Variants in NUP98 observed in about 807,000 individuals in gnomAD.
NUP98 encodes the protein nuclear pore complex protein Nup98-Nup96.
A neutral mutation model predicts 191.9 loss-of-function variants in NUP98; 26 were observed. The ratio of observed to expected loss-of-function variants is 0.14; its 90% CI spans 0.10 to 0.19. The LOEUF is 0.19. Ranked by LOEUF, NUP98 falls within the 10% of genes least tolerant of loss-of-function variation. NUP98 has a pLI of 1.00. For missense variants in NUP98, 1,941 were observed against 2,178.8 expected (o/e 0.89, Z 2.17); for synonymous variants, 808 against 778.4 (o/e 1.04, Z -0.63).
At position 3,702,311 on chromosome 11, in the gene NUP98, ACACTCTCTCTCTCTCTCTCTCTCT is replaced by A. The variant is rs1476081617; in HGVS notation, c.3512+128_3512+151del. On this transcript the variant is annotated intron_variant, in intron 23 of 32. Transcript: ENST00000324932. ...CACACACACACACACACACACACAC[ACACTCTCTCTCTCTCTCTCTCTCT>A]CTCTCTCTCTCTCTCTCTCTCTCTC... 8.5e-3 allele frequency: 3,577 copies of A among 423,194 alleles called. 43 individuals are homozygous for A. The highest frequency in any genetic ancestry group is 0.015 in the Admixed American group (337 of 22,066). The allele number at this position is 423,194 out of a possible 1,614,324, so 26.2% of individuals were successfully genotyped here. A position where few individuals can be genotyped will look rare whatever the true frequency, so the allele number is the denominator to read the frequency against.
intron 24 of NUP98, 37 bp downstream of exon 24, chr11:3,700,573 T>C (rs745480143): frequency 1.4e-6 from 2 of 1,424,544 alleles, no homozygotes; most frequent in Non-Finnish European, 9.8e-7. Flanking sequence ...CCACTATTAT[T>C]GGGACATCAA....
At chr11:3,746,239 A>G (rs914390213) in intron 11 of NUP98, among the ~76,000 whole-genome samples, 9 of 126,566 alleles carry the variant, frequency 7.1e-5, no homozygotes, top group African/African-American at 2.7e-4. Flanking sequence ...ATTGCACTCC[A>G]GCCTGGGCAA....
Position 3,683,243 on chromosome 11 carries a change from G to C in NUP98, c.4875C>G (p.His1625Gln), listed in dbSNP as rs1486219645. 6.2e-6 allele frequency: 10 copies of C among 1,614,202 alleles called. No homozygotes were observed. The highest frequency in any genetic ancestry group is 8.5e-6 in the Non-Finnish European group (10 of 1,180,028). Residue 1625 changes from histidine (H) to glutamine (Q), a missense_variant, in exon 30 of 33, where the codon CAC (histidine) becomes CAG (glutamine). His to Gln is a conservative substitution (Grantham distance 24). Transcript: ENST00000324932. ...LEALCLFKAEHWNRCHKLIIR... is the reference protein window; with the variant it reads ...LEALCLFKAEQWNRCHKLIIR... The stretch of plus-strand genomic sequence containing the variant: ...TGATGAGCTTGTGGCAGCGGTTCCA[G>C]TGCTCAGCCTTAAATAAGCAAAGGG...
intron 1 of NUP98, among the ~76,000 whole-genome samples, chr11:3,792,716 A>G (rs932131011): frequency 1.7e-4 from 26 of 152,230 alleles, no homozygotes; most frequent in African/African-American, 5.1e-4. Context: ...ATAAAATCAC[A>G]GAAGTGTAAA....
At chr11:3,789,944 C>T (rs1304276952) in intron 1 of NUP98, among the ~76,000 whole-genome samples, 1 of 152,012 alleles carries the variant, frequency 6.6e-6, no homozygotes, top group Non-Finnish European at 1.5e-5. Flanking sequence ...ACCACTATAC[C>T]GGGTTAATTT....
chr11:3,725,884 A>G (rs377630684), intron 14 of NUP98, among the ~76,000 whole-genome samples: 1 of 152,162 alleles, frequency 6.6e-6, no homozygotes, highest in Admixed American at 6.5e-5. Context: ...ATCGCTGATC[A>G]TGGCTCACTA....
At chr11:3,744,106 A>G (rs2080397714) in intron 12 of NUP98, among the ~76,000 whole-genome samples, 1 of 152,226 alleles carries the variant, frequency 6.6e-6, no homozygotes, top group Non-Finnish European at 1.5e-5. Flanking sequence ...AACTAAATTT[A>G]GGAAATACAG....
chr11:3,687,813 G>C (rs1476052094), intron 28 of NUP98, among the ~76,000 whole-genome samples: 1 of 152,082 alleles, frequency 6.6e-6, no homozygotes. Context: ...TGTAATCCCA[G>C]CACTTTGGGA....
intron 1 of NUP98, among the ~76,000 whole-genome samples, chr11:3,792,073 G>A (rs1388532548): frequency 6.7e-6 from 1 of 148,996 alleles, no homozygotes; most frequent in Non-Finnish European, 1.5e-5. Flanking sequence ...CAGCTACTCG[G>A]GAGGATGAGG....
chr11:3,710,803 T>C (rs998291390), intron 20 of NUP98, among the ~76,000 whole-genome samples: 1 of 152,200 alleles, frequency 6.6e-6, no homozygotes. Flanking sequence ...TGCTCCAACA[T>C]ACCAAGCTCA....
Position 3,720,747 on chromosome 11 carries a change from TCTC to T in NUP98, c.2222_2224del (p.Gly741del). The T allele has an allele frequency of 6.2e-7, 1 of 1,600,942 alleles. No homozygotes were observed. The highest frequency in any genetic ancestry group is 8.5e-7 in the Non-Finnish European group (1 of 1,170,484). ...AATAGTGAAATCAGAGACAATGCAC[TCTC>T]CTTTTTCATTGGTAATTTTAGCAAG... On this transcript the variant is annotated inframe_deletion, in exon 17 of 33. Transcript: ENST00000324932.
At chr11:3,706,734 T>TACC in intron 20 of NUP98, 107 bp from the exon 21 acceptor site, 1 of 1,093,382 alleles carries the variant, frequency 9.1e-7, no homozygotes, top group South Asian at 1.5e-5. Flanking sequence ...AATTATTAGA[T>TACC]TCAGCCCATT....
At position 3,702,731 on chromosome 11, in the gene NUP98, T is replaced by A. The variant is rs2078747822; in HGVS notation, c.3244A>T (p.Ser1082Cys). The change falls in exon 23 of 33, where the codon AGC (serine) becomes TGC (cysteine). Residue 1082 changes from serine to cysteine, a missense_variant. By Grantham distance (112) the Ser-to-Cys change is moderately radical. Transcript: ENST00000324932. The stretch of plus-strand genomic sequence containing the variant: ...TTCAACGGAACCTCAGGGGCTGGGC[T>A]GGGCATTGTGAACACAGAAGTCAGG... Reference protein sequence around the residue: ...PPLTSVFTMPSPAPEVPLKTV... With the variant: ...PPLTSVFTMPCPAPEVPLKTV... The A allele has an allele frequency of 1.9e-6, 3 of 1,614,152 alleles. No homozygotes were observed. The highest frequency in any genetic ancestry group is 2.5e-6 in the Non-Finnish European group (3 of 1,180,026).
intron 16 of NUP98, among the ~76,000 whole-genome samples, chr11:3,722,112 T>G (rs2079426392): frequency 6.7e-6 from 1 of 149,104 alleles, no homozygotes; most frequent in Non-Finnish European, 1.5e-5. Flanking sequence ...ATTCTTTTTT[T>G]TTTTTTTTTT....
chr11:3,723,368 A>G lies in NUP98; in HGVS notation c.1935T>C (p.Pro645=). ...DSLVSHFYTN[P]IAKPIPQTPE... ...GGGTTTGAGGAATAGGTTTGGCAAT[A>G]GGGTTAGTATAAAAATGTGAAACAA... Residue 645 remains proline (P), a synonymous_variant, in exon 16 of 33, where the codon CCT becomes CCC. Transcript: ENST00000324932. 1.2e-6 allele frequency: 2 copies of G among 1,614,100 alleles called. No homozygotes were observed. The highest frequency in any genetic ancestry group is 1.7e-6 in the Non-Finnish European group (2 of 1,179,984).
At chr11:3,756,790 T>C (rs1564890871) in intron 10 of NUP98, among the ~76,000 whole-genome samples, 1 of 152,212 alleles carries the variant, frequency 6.6e-6, no homozygotes, top group East Asian at 1.9e-4. Context: ...AAATATATCT[T>C]TAAAAAAATT....
intron 11 of NUP98, among the ~76,000 whole-genome samples, chr11:3,751,616 T>A (rs988506281): frequency 5.9e-5 from 9 of 152,058 alleles, no homozygotes; most frequent in African/African-American, 1.9e-4. Context: ...CCCAGCACTT[T>A]AAGAGCTCAA....
At chr11:3,775,738 C>T (rs1398461150) in intron 5 of NUP98, 144 bp downstream of exon 5, 13 of 666,714 alleles carry the variant, frequency 1.9e-5, no homozygotes, top group East Asian at 8.2e-5. Flanking sequence ...GTCTACTATA[C>T]AACTATTTAT....
Position 3,742,095 on chromosome 11 carries a change from A to G in NUP98, c.1408+2414T>C, listed in dbSNP as rs1035208994. On this transcript the variant is annotated intron_variant, in intron 12 of 32. Coordinates refer to ENST00000324932, the MANE Select transcript of NUP98 (RefSeq NM_016320.5). ...AAGCAATGCTGAAGGCCTAGAGAAT[A>G]ATCAGAGTCCACACTGCTGCAGGAG... Among the ~76,000 whole-genome samples, 6 of 152,218 alleles carry G rather than the reference A, an allele frequency of 3.9e-5. No individual in the cohort carries two copies. The East Asian group carries it at 1.2e-3, about 29-fold the overall frequency.
Sources: gnomAD v4.1 joint callset for allele counts (sites outside exome capture counted in the v4.1 genomes callset) on GRCh38, gnomAD v4.1.1 for gene constraint, MANE v1.5 for transcripts, NCBI Gene and HGNC (gene_info 2026-07-23, HGNC 2026-07-21) for gene names.